Variants in KANK2 observed in about 807,000 individuals in gnomAD.
KANK2 encodes KN motif and ankyrin repeat domains 2.
A neutral mutation model predicts 74.6 loss-of-function variants in KANK2; 41 were observed. The ratio of observed to expected loss-of-function variants is 0.55; its 90% confidence interval spans 0.43 to 0.71. The LOEUF (loss-of-function observed/expected upper bound fraction) is 0.71. KANK2 is among the 30% of genes least tolerant of loss of function. The pLI, the probability that KANK2 is intolerant of heterozygous loss-of-function variation, is 0.00. For synonymous variants in KANK2, 537 were observed against 519.0 expected (o/e 1.03, Z -0.47); for missense variants, 1,148 against 1,196.4 (o/e 0.96, Z 0.60).
At chr19:11,169,586 A>T in intron 12 of KANK2, 1 of 537,234 alleles carries the variant, frequency 1.9e-6, no homozygotes, top group Non-Finnish European at 3.3e-6. Flanking sequence ...GTGGATCACG[A>T]GGTCAGGAGT....
chr19:11,180,697 G>A (rs2078489227), intron 4 of KANK2, among the ~76,000 whole-genome samples: 1 of 152,078 alleles, frequency 6.6e-6, no homozygotes, highest in Non-Finnish European at 1.5e-5. Flanking sequence ...TTTAAACTTG[G>A]CAATAAATTC....
At chr19:11,173,994 C>CAT (rs1158714766) in intron 9 of KANK2, among the ~76,000 whole-genome samples, 1 of 149,514 alleles carries the variant, frequency 6.7e-6, no homozygotes, top group East Asian at 2.0e-4. Context: ...GAGGGTGGTG[C>CAT]CCCCCCCATC....
chr19:11,178,220 G>T, intron 6 of KANK2, 125 bp downstream of exon 6: 1 of 869,542 alleles, frequency 1.2e-6, no homozygotes, highest in Non-Finnish European at 1.6e-6. Context: ...TCTGTGTTGT[G>T]GTTTGATTAA....
At position 11,195,700 on chromosome 19, in the gene KANK2, TGTCTCTCCACGTCTCTGTCTCTCTGC is replaced by T. The variant is rs1486676227; in HGVS notation, c.-184_-159del. On this transcript the variant is annotated 5_prime_UTR_variant, in exon 2 of 13. Coordinates refer to ENST00000586659, the MANE Select transcript of KANK2 (RefSeq NM_001136191.3). ...CTCTGTGTCTCTCCACGTCTCTCTG[TGTCTCTCCACGTCTCTGTCTCTCTGC>T]GTCTCTCTCCACGTCTCTGTCCTTC... 6.9e-6 allele frequency: 1 copy of T among 145,810 alleles called. No individual in the cohort carries two copies. The highest frequency in any genetic ancestry group is 1.5e-5 in the Non-Finnish European group (1 of 66,300). 9.0% of individuals were successfully genotyped at this position (145,810 alleles called of 1,614,324 possible).
intron 10 of KANK2, among the ~76,000 whole-genome samples, chr19:11,171,937 G>C (rs1429927251): frequency 6.6e-6 from 1 of 150,402 alleles, no homozygotes; most frequent in African/African-American, 2.5e-5. Flanking sequence ...GCCTCCCAAA[G>C]TGCTGGGATT....
At chr19:11,192,463 C>T in intron 4 of KANK2, 1 of 151,362 alleles carries the variant, frequency 6.6e-6, no homozygotes, top group Non-Finnish European at 1.3e-5. Flanking sequence ...GAGACAGAGT[C>T]TCCCTCTGTT....
In KANK2 at chr19:11,164,640, CAATT is replaced by C. The variant is rs1386526177; in HGVS notation, c.*1914_*1917del. 1.3e-5 allele frequency: 2 copies of C among 151,216 alleles called. No homozygotes were observed. The highest frequency in any genetic ancestry group is 4.8e-5 in the African/African-American group (2 of 41,472). 9.4% of individuals were successfully genotyped at this position (151,216 alleles called of 1,614,324 possible). A position where few individuals can be genotyped will look rare whatever the true frequency, so the allele number is the denominator to read the frequency against. Reference sequence around the variant, plus strand: ...TGCGACCTTCCCCCTCAGACACCCACAATTAATTGTTTCCAATCAGCTTTGGTTT... The same window carrying C: ...TGCGACCTTCCCCCTCAGACACCCACAATTGTTTCCAATCAGCTTTGGTTT... On this transcript the variant is annotated 3_prime_UTR_variant, in exon 13 of 13. Transcript: ENST00000586659.
At position 11,174,617 on chromosome 19, in the gene KANK2, G is replaced by A. The variant is rs141923748; in HGVS notation, c.1924C>T (p.Arg642Trp). 11 of 1,612,344 alleles carry A rather than the reference G, an allele frequency of 6.8e-6. No homozygotes were observed. The South Asian group carries it at 7.7e-5, about 11-fold the overall frequency. The stretch of plus-strand genomic sequence containing the variant: ...GCCCGGAACGTGACCAGGTGCCGCC[G>A]CACCAGCTCGGGGTGTGCGTCGCTG... The part of the protein sequence containing the change: ...CRSDAHPELV[R>W]RHLVTFRAMS... Residue 642 changes from arginine (R) to tryptophan (W), a missense_variant, in exon 9 of 13, where the codon CGG (arginine) becomes TGG (tryptophan). By Grantham distance (101) the Arg-to-Trp change is moderately radical (BLOSUM62 -3). Transcript: ENST00000586659.
chr19:11,179,788 C>T (rs1460264604), intron 4 of KANK2, among the ~76,000 whole-genome samples: 5 of 152,184 alleles, frequency 3.3e-5, no homozygotes, highest in African/African-American at 7.2e-5. Flanking sequence ...CAGCCAACAG[C>T]GTGGAATAAA....
rs142958187 is a variant in KANK2 at position 11,164,710 on chromosome 19, TCATCCATCCATCCATC to T, written c.*1832_*1847del. ...TTACATGCAAACACCATCTATCTATTCATCCATCCATCCATCCATCCATCCATCCATCCATCCATCC... is the reference window on the plus strand; with the variant it reads ...TTACATGCAAACACCATCTATCTATTCATCCATCCATCCATCCATCCATCC... On this transcript the variant is annotated 3_prime_UTR_variant, in exon 13 of 13. Coordinates refer to ENST00000586659, the MANE Select transcript of KANK2 (RefSeq NM_001136191.3). 3.9e-4 allele frequency: 39 copies of T among 99,884 alleles called. No individual in the cohort carries two copies. The highest frequency in any genetic ancestry group is 9.5e-4 in the African/African-American group (24 of 25,156). The allele number at this position is 99,884 out of a possible 1,614,324, so 6.2% of individuals were successfully genotyped here. A position where few individuals can be genotyped will look rare whatever the true frequency, so the allele number is the denominator to read the frequency against.
rs968579947 is a variant in KANK2, at chr19:11,164,760, T to A, written c.*1798A>T. 1 of 139,262 alleles carries A rather than the reference T, an allele frequency of 7.2e-6. No homozygotes were observed. Among genetic ancestry groups the A allele is most frequent in the Admixed American group, 7.0e-5 (1 of 14,228 alleles). The allele number at this position is 139,262 out of a possible 1,614,324, so 8.6% of individuals were successfully genotyped here. On this transcript the variant is annotated 3_prime_UTR_variant, in exon 13 of 13. Transcript: ENST00000586659. ...CATCCATCCATCCATCCATCCATCC[T>A]GCTTGTCTCCTTTGACCAGCCAAGC...
rs777963858 is a variant in KANK2, at chr19:11,193,538, C to T, written c.542G>A (p.Ser181Asn). The change falls in exon 4 of 13, where the codon AGT (serine) becomes AAT (asparagine). Residue 181 changes from serine to asparagine, a missense_variant. Transcript: ENST00000586659. This position sits in a 1 kb window ranked among gnomAD's most constrained non-coding sequence, Gnocchi z 9.6. ...CCGCACGTGGGCCAGGTGCCCGGCA[C>T]TGGGAGGCACCGGTGTGGACAGTCC... is the stretch of plus-strand genomic sequence containing the variant. ...SSGLSTPVPP[S>N]AGHLAHVREQ... 1.1e-5 allele frequency: 17 copies of T among 1,606,186 alleles called. No homozygotes were observed. The East Asian group carries it at 3.3e-4, about 32-fold the overall frequency.
Position 11,170,034 on chromosome 19 carries a change from G to A in KANK2, c.2412+14C>T. On this transcript the variant is annotated intron_variant, in intron 11 of 12. Transcript: ENST00000586659. The surrounding 1 kb of genome is among the most constrained non-coding windows in gnomAD (Gnocchi z 5.2). ...CTCCCGCCCTCCCCGGGGTGCACCT[G>A]GTTGGAGACTCACGCGATCTGTGAG... 1.2e-6 allele frequency: 2 copies of A among 1,612,490 alleles called. No individual in the cohort carries two copies. The highest frequency in any genetic ancestry group is 1.7e-6 in the Non-Finnish European group (2 of 1,178,606).
Position 11,192,876 on chromosome 19 carries a change from C to G in KANK2, c.1204G>C (p.Val402Leu), listed in dbSNP as rs535857412. 6.2e-7 allele frequency: 1 copy of G among 1,613,618 alleles called. No homozygotes were observed. Among genetic ancestry groups the G allele is most frequent in the South Asian group, 1.1e-5 (1 of 91,070 alleles). ...CGCTCTGTGATGCTAATCTTCTTCA[C>G]CATATGGACGTTGCTGGTAGCTGCA... ...PAAATSNVHM[V>L]KKISITERSC... Residue 402 changes from valine to leucine, a missense_variant, in exon 4 of 13, where the codon GTG becomes CTG. Val to Leu is a conservative substitution (Grantham distance 32). Coordinates refer to ENST00000586659, the MANE Select transcript of KANK2 (RefSeq NM_001136191.3).
intron 1 of KANK2, chr19:11,196,057 CT>C (rs34366498): frequency 1.8e-3 from 225 of 124,864 alleles, no homozygotes; most frequent in Admixed American, 3.7e-3. Context: ...AACATCAACT[CT>C]TTTTTTTTTT....
At chr19:11,192,397 G>A (rs1007273405) in intron 4 of KANK2, 1 of 260,256 alleles carries the variant, frequency 3.8e-6, no homozygotes, top group African/African-American at 2.2e-5. Context: ...TGTGTCTGGT[G>A]GAAGGTCGGG....
chr19:11,182,541 A>C (rs1010004692), intron 4 of KANK2, among the ~76,000 whole-genome samples: 9 of 147,206 alleles, frequency 6.1e-5, no homozygotes, highest in Non-Finnish European at 1.4e-4. Context: ...AAAAAAACAA[A>C]AAAACAAAAC....
At chr19:11,174,839 G>A (rs1600810028) in intron 8 of KANK2, 147 bp from the exon 9 acceptor site, 6 of 658,580 alleles carry the variant, frequency 9.1e-6, no homozygotes, top group South Asian at 9.0e-5. Context: ...CCAAAGGGAA[G>A]TGTAGACATC....
rs551562941 is a variant in KANK2 at position 11,173,804 on chromosome 19, G to A, written c.2068+669C>T. ...AGACTAGGAGAGTCATGTCTCCCTC[G>A]TTAGACTGGGAAGGTGGTGTCTCAC... On this transcript the variant is annotated intron_variant, in intron 9 of 12. Coordinates refer to ENST00000586659, the MANE Select transcript of KANK2 (RefSeq NM_001136191.3). Among the ~76,000 whole-genome samples the A allele has an allele frequency of 1.6e-4, 25 of 152,010 alleles. 1 individual carries two copies. In the East Asian group the frequency reaches 2.9e-3, roughly 18 times the overall value.
Sources: allele counts gnomAD v4.1 joint callset (sites outside exome capture counted in the v4.1 genomes callset), GRCh38; gene constraint gnomAD v4.1.1; non-coding constraint Gnocchi (gnomAD v3.1); transcripts MANE v1.5; gene names NCBI Gene and HGNC (gene_info 2026-07-23, HGNC 2026-07-21).